Variants in CABIN1 observed in about 807,000 individuals in gnomAD.
CABIN1 encodes calcineurin-binding protein cabin-1.
In CABIN1, 133 loss-of-function variants were observed where a neutral mutation model predicts 227.7. The ratio of observed to expected loss-of-function variants is 0.58; its 90% CI spans 0.51 to 0.67. CABIN1 has a LOEUF of 0.67. Among genes scored for constraint, CABIN1 ranks in the 30% least tolerant of loss-of-function variants. CABIN1 has a pLI of 0.00. For missense variants in CABIN1, 2,408 were observed against 2,852.5 expected (o/e 0.84, Z 3.55); for synonymous variants, 1,086 against 1,155.1 (o/e 0.94, Z 1.21).
intron 1 of CABIN1, among the ~76,000 whole-genome samples, chr22:24,013,282 C>T (rs1462859998): frequency 6.7e-6 from 1 of 149,070 alleles, no homozygotes; most frequent in East Asian, 2.0e-4. Flanking sequence ...CTGCAAGCTC[C>T]GCCGCCTGGG....
chr22:24,170,131 C>A, intron 33 of CABIN1: 1 of 458,382 alleles, frequency 2.2e-6, no homozygotes. Context: ...CTTCCCAGAC[C>A]CTGGTGCGGT....
At chr22:24,068,023 C>T (rs1278362285) in intron 16 of CABIN1, among the ~76,000 whole-genome samples, 1 of 152,172 alleles carries the variant, frequency 6.6e-6, no homozygotes, top group African/African-American at 2.4e-5. Flanking sequence ...GGGTACTTCC[C>T]TTTCAATTTG....
chr22:24,083,089 A>G (rs2040916143), intron 19 of CABIN1, 139 bp from the exon 20 acceptor site: 2 of 820,068 alleles, frequency 2.4e-6, no homozygotes, highest in African/African-American at 1.7e-5. Flanking sequence ...TTTGGAATCA[A>G]GTCATGCAGG....
intron 26 of CABIN1, among the ~76,000 whole-genome samples, chr22:24,100,672 G>A (rs533525526): frequency 6.6e-6 from 1 of 152,324 alleles, no homozygotes; most frequent in Admixed American, 6.5e-5. Context: ...TGGTACAGCT[G>A]AGGAGAAGCA....
chr22:24,018,464 A>T (rs1028372951), intron 1 of CABIN1, among the ~76,000 whole-genome samples: 4 of 152,220 alleles, frequency 2.6e-5, no homozygotes, highest in Middle Eastern at 3.4e-3. Flanking sequence ...TATCATTTAG[A>T]TTTCTAATTC....
intron 29 of CABIN1, among the ~76,000 whole-genome samples, chr22:24,156,378 C>G (rs2045811708): frequency 6.6e-6 from 1 of 151,932 alleles, no homozygotes; most frequent in Non-Finnish European, 1.5e-5. Flanking sequence ...GGCGGCCAAG[C>G]CGGCTTGGGC....
intron 14 of CABIN1, 90 bp downstream of exon 14, chr22:24,063,236 ATGTGTGTG>A (rs145495810): frequency 9.9e-6 from 11 of 1,109,018 alleles, no homozygotes; most frequent in African/African-American, 1.6e-5. Context: ...GTGTGTGTGT[ATGTGTGTG>A]TGTGTGTGTG....
At chr22:24,072,189 G>A (rs572490099) in intron 17 of CABIN1, among the ~76,000 whole-genome samples, 165 bp from the exon 18 acceptor site, 4 of 152,280 alleles carry the variant, frequency 2.6e-5, no homozygotes, top group Admixed American at 6.5e-5. Flanking sequence ...GTCTCTGTCC[G>A]ATGACATGCT....
chr22:24,159,619 C>T (rs1247850015), intron 29 of CABIN1, among the ~76,000 whole-genome samples: 1 of 152,172 alleles, frequency 6.6e-6, no homozygotes, highest in Non-Finnish European at 1.5e-5. Flanking sequence ...CCTCTTCTGC[C>T]CTCTTGCTTG....
At chr22:24,127,316 A>G (rs970351356) in intron 28 of CABIN1, among the ~76,000 whole-genome samples, 6 of 152,086 alleles carry the variant, frequency 3.9e-5, no homozygotes, top group African/African-American at 9.7e-5. Flanking sequence ...CCCCTCATCA[A>G]CTCCACAGGG....
At chr22:24,156,129 G>C in intron 29 of CABIN1, 1 of 397,960 alleles carries the variant, frequency 2.5e-6, no homozygotes, top group South Asian at 1.0e-4. Context: ...CTGGGGCCGG[G>C]GCTGGGGCTG....
chr22:24,134,359 C>G lies in CABIN1; in HGVS notation c.4690C>G (p.Gln1564Glu), dbSNP rs1369661620. 2.4e-5 allele frequency: 38 copies of G among 1,614,072 alleles called. No homozygotes were observed. The highest frequency in any genetic ancestry group is 3.2e-5 in the Non-Finnish European group (38 of 1,180,018). ...CAGCAGTATCCCGTGGCAACAACTG[C>G]AGCACATGCCGGCACAGGGGCTCTT... ...LGSSIPWQQL[Q>E]HMPAQGLFCE... The change falls in exon 29 of 37, where the codon CAG becomes GAG. Residue 1564 changes from glutamine (Q) to glutamate (E), a missense_variant. Transcript: ENST00000263119.
chr22:24,144,268 G>T (rs2082708944), intron 29 of CABIN1, among the ~76,000 whole-genome samples: 1 of 152,212 alleles, frequency 6.6e-6, no homozygotes, highest in South Asian at 2.1e-4. Flanking sequence ...GACATGTGAT[G>T]GGGAGGGACA....
Position 24,098,323 on chromosome 22 carries a change from T to C in CABIN1, c.4117+131T>C. On this transcript the variant is annotated intron_variant, in intron 26 of 36. Coordinates refer to ENST00000263119, the MANE Select transcript of CABIN1 (RefSeq NM_012295.4). ...GGGTCTGGGGTGACACGGGCAATGT[T>C]GCGGCTGCTCATTAACCTCATGGAT... 2.6e-6 allele frequency: 4 copies of C among 1,545,606 alleles called. No homozygotes were observed. The Admixed American group carries it at 7.4e-5, about 28-fold the overall frequency.
chr22:24,128,052 T>C (rs1305813782), intron 28 of CABIN1, among the ~76,000 whole-genome samples: 2 of 152,042 alleles, frequency 1.3e-5, no homozygotes, highest in African/African-American at 4.8e-5. Context: ...TTTCCAGATA[T>C]TGCCAGATGC....
chr22:24,051,031 A>G, intron 8 of CABIN1, 57 bp downstream of exon 8: 1 of 1,607,276 alleles, frequency 6.2e-7, no homozygotes, highest in Non-Finnish European at 8.5e-7. Context: ...CTGTTGTGGG[A>G]TGCTGCCCTG....
Position 24,072,434 on chromosome 22 carries a change from C to A in CABIN1, c.2556C>A (p.His852Gln). Residue 852 changes from histidine (H) to glutamine (Q), a missense_variant, in exon 18 of 37, where the codon CAC (histidine) becomes CAA (glutamine). Transcript: ENST00000263119. Reference sequence around the variant, plus strand: ...CAGTGCTACCCTGGATCATTCTACACCGGATCATCTGGCAGGAGGAAGACA... The same window carrying A: ...CAGTGCTACCCTGGATCATTCTACAACGGATCATCTGGCAGGAGGAAGACA... ...VSSVLPWIIL[H>Q]RIIWQEEDTF... The A allele has an allele frequency of 6.2e-7, 1 of 1,614,202 alleles. No individual in the cohort carries two copies. The highest frequency in any genetic ancestry group is 8.5e-7 in the Non-Finnish European group (1 of 1,180,018).
Position 24,177,968 on chromosome 22 carries a change from C to A in CABIN1, c.6520-85C>A. The A allele has an allele frequency of 6.3e-7, 1 of 1,597,126 alleles. No homozygotes were observed. The highest frequency in any genetic ancestry group is 8.5e-7 in the Non-Finnish European group (1 of 1,172,138). ...GGCAGGGGTGAGGGTGGGAGGGGGG[C>A]CTGGGGCAGGGGTGAAGGTGGCAGA... On this transcript the variant is annotated intron_variant, in intron 36 of 36. Transcript: ENST00000263119. The surrounding 1 kb of genome is among the most constrained non-coding windows in gnomAD (Gnocchi z 4.4).
intron 4 of CABIN1, 69 bp downstream of exon 4, chr22:24,038,530 G>T: frequency 9.4e-7 from 1 of 1,064,116 alleles, no homozygotes. Context: ...TGGGTACTCT[G>T]GGCCTTACCT....
Sources: allele counts gnomAD v4.1 joint callset (sites outside exome capture counted in the v4.1 genomes callset), GRCh38; gene constraint gnomAD v4.1.1; non-coding constraint Gnocchi (gnomAD v3.1); transcripts MANE v1.5; gene names NCBI Gene and HGNC (gene_info 2026-07-23, HGNC 2026-07-21).